PPP2R1B: variants seen among roughly 807,000 people sequenced by gnomAD.
PPP2R1B encodes the protein protein phosphatase 2 scaffold subunit Abeta, also known as serine/threonine-protein phosphatase 2A 65 kDa regulatory subunit A beta isoform.
Under a neutral mutation model 72.7 loss-of-function variants are expected in PPP2R1B, and 58 were observed. That is an observed-to-expected ratio of 0.80 (90% confidence interval 0.65 to 0.99). PPP2R1B has a LOEUF of 0.99. PPP2R1B is among the 50% of genes least tolerant of loss of function. The pLI is 0.00. For synonymous variants in PPP2R1B, 256 were observed against 264.6 expected, an observed-to-expected ratio of 0.97 and a Z score of 0.32; for missense variants, 695 against 733.6, an observed-to-expected ratio of 0.95 and a Z score of 0.61.
intron 12 of PPP2R1B, among the ~76,000 whole-genome samples, chr11:111,743,025 C>G (rs1944581371): frequency 6.6e-6 from 1 of 152,036 alleles, no homozygotes; most frequent in Non-Finnish European, 1.5e-5. Flanking sequence ...TCCCAAGTAG[C>G]TGGGACTACA....
In PPP2R1B at chr11:111,742,219, T is replaced by C. The variant is rs935812474; in HGVS notation, c.1698-75A>G. ...AATCCTTTTTGGTGTATATGGTTAA[T>C]GGTAATTGTTAAAATTTAAAGTAAA... On this transcript the variant is annotated intron_variant, in intron 13 of 14. Transcript: ENST00000527614. 1.3e-5 allele frequency: 14 copies of C among 1,112,188 alleles called. No homozygotes were observed. The African/African-American group carries it at 2.1e-4, about 16-fold the overall frequency. 68.9% of individuals were successfully genotyped at this position (1,112,188 alleles called of 1,614,324 possible).
intron 10 of PPP2R1B, among the ~76,000 whole-genome samples, chr11:111,750,424 G>C (rs1249747328): frequency 6.6e-6 from 1 of 152,154 alleles, no homozygotes; most frequent in Non-Finnish European, 1.5e-5. Context: ...GAGGCAGGAG[G>C]ATCATTTGAG....
chr11:111,748,925 C>A (rs1591688990), intron 10 of PPP2R1B, among the ~76,000 whole-genome samples: 2 of 152,088 alleles, frequency 1.3e-5, no homozygotes, highest in South Asian at 2.1e-4. Context: ...CAGCTCACTG[C>A]AACCTCCACC....
In PPP2R1B at chr11:111,740,843, G is replaced by A. The variant is rs1341329260; in HGVS notation, c.*753C>T. 3.0e-6 allele frequency: 3 copies of A among 985,304 alleles called. No homozygotes were observed. Among genetic ancestry groups the A allele is most frequent in the Non-Finnish European group, 3.6e-6 (3 of 829,942 alleles). 61.0% of individuals were successfully genotyped at this position (985,304 alleles called of 1,614,324 possible). A position where few individuals can be genotyped will look rare whatever the true frequency, so the allele number is the denominator to read the frequency against. On this transcript the variant is annotated 3_prime_UTR_variant, in exon 15 of 15. Coordinates refer to ENST00000527614, the MANE Select transcript of PPP2R1B (RefSeq NM_002716.5). ...GAAACAAACATACTGCTTATTAGGA[G>A]GCACTACAGTTAAAGCTTTTTAGAA...
Position 111,743,265 on chromosome 11 carries a change from A to C in PPP2R1B, c.1554+111T>G. 9 of 1,111,740 alleles carry C rather than the reference A, an allele frequency of 8.1e-6. No homozygotes were observed. In the South Asian group the frequency reaches 1.4e-4, roughly 17 times the overall value. The allele number at this position is 1,111,740 out of a possible 1,614,324, so 68.9% of individuals were successfully genotyped here. On this transcript the variant is annotated intron_variant, in intron 12 of 14. Transcript: ENST00000527614. ...ATCTCCTGTCTATTCCAATTAATCAATACAAGACATATATTCCAAATAGAA... is the reference window on the plus strand; with the variant it reads ...ATCTCCTGTCTATTCCAATTAATCACTACAAGACATATATTCCAAATAGAA...
rs368015655 is a variant in PPP2R1B at position 111,766,350 on chromosome 11, T to G, written c.12A>C (p.Ala4=). The change falls in exon 1 of 15, where the codon GCA becomes GCC. Residue 4 remains alanine (A), a synonymous_variant. Coordinates refer to ENST00000527614, the MANE Select transcript of PPP2R1B (RefSeq NM_002716.5). The part of the protein sequence containing the change: MAG[A]SELGTGPGAA... Reference sequence around the variant, plus strand: ...CTCCTGGGCCGGTCCCGAGCTCTGATGCGCCCGCCATGTTCTTTCTCCTCC... The same window carrying G: ...CTCCTGGGCCGGTCCCGAGCTCTGAGGCGCCCGCCATGTTCTTTCTCCTCC... 1 of 1,472,146 alleles carries G rather than the reference T, an allele frequency of 6.8e-7. No individual in the cohort carries two copies. Among genetic ancestry groups the G allele is most frequent in the Non-Finnish European group, 9.0e-7 (1 of 1,110,320 alleles). 91.2% of individuals were successfully genotyped at this position (1,472,146 alleles called of 1,614,324 possible).
At chr11:111,723,833 C>T (rs45586732), downstream of PPP2R1B, 2 of 1,613,616 alleles carry the variant, frequency 1.2e-6, no homozygotes, top group South Asian at 1.1e-5. Context: ...GCCACCACCC[C>T]CTCCACCACC....
In PPP2R1B at chr11:111,740,932, A is replaced by G; in HGVS notation, c.*664T>C. The G allele has an allele frequency of 1.0e-6, 1 of 985,510 alleles. No homozygotes were observed. Among genetic ancestry groups the G allele is most frequent in the Non-Finnish European group, 1.2e-6 (1 of 829,966 alleles). 61.0% of individuals were successfully genotyped at this position (985,510 alleles called of 1,614,324 possible). A position where few individuals can be genotyped will look rare whatever the true frequency, so the allele number is the denominator to read the frequency against. On this transcript the variant is annotated 3_prime_UTR_variant, in exon 15 of 15. Coordinates refer to ENST00000527614, the MANE Select transcript of PPP2R1B (RefSeq NM_002716.5). ...AGCTGTTCAAATTCAGTTAGGCGTCAACATCACACATTAGCAGCAAGATGC... is the reference window on the plus strand; with the variant it reads ...AGCTGTTCAAATTCAGTTAGGCGTCGACATCACACATTAGCAGCAAGATGC...
the PPP2R1B span, chr11:111,703,080 C>T: frequency 1.3e-6 from 1 of 765,458 alleles, no homozygotes; most frequent in African/African-American, 1.7e-5. Flanking sequence ...ATTCATTTGA[C>T]CTTCTGCTTT....
At chr11:111,765,440 C>G in intron 1 of PPP2R1B, 56 bp from the exon 2 acceptor site, 2 of 1,370,936 alleles carry the variant, frequency 1.5e-6, no homozygotes, top group Non-Finnish European at 2.1e-6. Flanking sequence ...GAATTTAGAT[C>G]AAAAGACAAA....
chr11:111,703,543 G>A, the PPP2R1B span: 1 of 787,592 alleles, frequency 1.3e-6, no homozygotes, highest in African/African-American at 1.7e-5. Flanking sequence ...ACTGTTCAGT[G>A]TTCCCTATAG....
At chr11:111,761,832 G>A (rs1426456438) in intron 3 of PPP2R1B, among the ~76,000 whole-genome samples, 1 of 152,104 alleles carries the variant, frequency 6.6e-6, no homozygotes, top group Non-Finnish European at 1.5e-5. Flanking sequence ...GGTGGCACAC[G>A]CCTGTAAACC....
chr11:111,757,331 A>G (rs1051417990), intron 5 of PPP2R1B, among the ~76,000 whole-genome samples: 1 of 152,184 alleles, frequency 6.6e-6, no homozygotes, highest in Non-Finnish European at 1.5e-5. Flanking sequence ...AACTTCCAAA[A>G]TATTACAAAT....
chr11:111,753,396 A>G (rs782506163), intron 9 of PPP2R1B, 47 bp downstream of exon 9: 7 of 1,578,526 alleles, frequency 4.4e-6, no homozygotes, highest in Non-Finnish European at 6.0e-6. Flanking sequence ...AAAATCAAAT[A>G]AAATCAAATT....
At chr11:111,736,586 G>C (rs1196233225), downstream of PPP2R1B, among the ~76,000 whole-genome samples, 1 of 152,160 alleles carries the variant, frequency 6.6e-6, no homozygotes, top group Non-Finnish European at 1.5e-5. Flanking sequence ...GGAACGGCTG[G>C]AGCTGCCCAC....
the PPP2R1B span, among the ~76,000 whole-genome samples, chr11:111,711,760 C>G: frequency 6.6e-6 from 1 of 152,254 alleles, no homozygotes; most frequent in Non-Finnish European, 1.5e-5. Context: ...AGACACAGCA[C>G]TGACTCCAGC....
At chr11:111,717,923 G>C in the PPP2R1B span, among the ~76,000 whole-genome samples, 1 of 152,118 alleles carries the variant, frequency 6.6e-6, no homozygotes, top group African/African-American at 2.4e-5. Context: ...TGTTAGGGGG[G>C]CAATGGGAGG....
Position 111,737,962 on chromosome 11 carries a change from T to C in PPP2R1B, c.*3634A>G. The C allele has an allele frequency of 9.8e-7, 1 of 1,022,874 alleles. No homozygotes were observed. Among genetic ancestry groups the C allele is most frequent in the Non-Finnish European group, 1.2e-6 (1 of 851,578 alleles). 63.4% of individuals were successfully genotyped at this position (1,022,874 alleles called of 1,614,324 possible). A position where few individuals can be genotyped will look rare whatever the true frequency, so the allele number is the denominator to read the frequency against. ...GACGCAATGAGTAATTAAACTCTAT[T>C]CGTCCTCCGGAAGATTTCCATCCCA... On this transcript the variant is annotated 3_prime_UTR_variant, in exon 15 of 15. Coordinates refer to ENST00000527614, the MANE Select transcript of PPP2R1B (RefSeq NM_002716.5).
At chr11:111,710,932 C>T in the PPP2R1B span, among the ~76,000 whole-genome samples, 1 of 152,142 alleles carries the variant, frequency 6.6e-6, no homozygotes, top group African/African-American at 2.4e-5. Flanking sequence ...ACAGGCTGTC[C>T]TTCTGCCTTT....
Sources: allele counts gnomAD v4.1 joint callset (sites outside exome capture counted in the v4.1 genomes callset), GRCh38; gene constraint gnomAD v4.1.1; transcripts MANE v1.5; gene names NCBI Gene and HGNC (gene_info 2026-07-23, HGNC 2026-07-21).